Variants in PRAM1 observed in about 807,000 individuals in gnomAD.
The protein encoded by PRAM1 is PML-RARA regulated adaptor molecule 1.
A neutral mutation model predicts 55.3 loss-of-function variants in PRAM1; 41 were observed. The ratio of observed to expected loss-of-function variants is 0.74; its 90% CI spans 0.58 to 0.96. The LOEUF is 0.96. Among genes scored for constraint, PRAM1 ranks in the 40% least tolerant of loss-of-function variants. PRAM1 has a pLI of 0.00. For synonymous variants in PRAM1, 401 were observed against 387.1 expected, an observed-to-expected ratio of 1.04 and a Z score of -0.42; for missense variants, 898 against 892.7, an observed-to-expected ratio of 1.01 and a Z score of -0.08.
intron 1 of PRAM1, among the ~76,000 whole-genome samples, chr19:8,501,490 G>T (rs946176361): frequency 2.6e-4 from 32 of 124,584 alleles, no homozygotes; most frequent in African/African-American, 8.9e-4. Flanking sequence ...ATTTTACATT[G>T]TTTTTAATGT....
chr19:8,499,684 C>T lies in PRAM1; in HGVS notation c.124G>A (p.Gly42Ser). 6.2e-7 allele frequency: 1 copy of T among 1,613,810 alleles called. No individual in the cohort carries two copies. Among genetic ancestry groups the T allele is most frequent in the Non-Finnish European group, 8.5e-7 (1 of 1,179,840 alleles). ...GGCTGGGAGAACTTCTTCAGTTTAC[C>T]AAACTCAGGCTTCGGAGGTTTTTTG... ...LPKKPPKPEF[G>S]KLKKFSQPEL... Residue 42 changes from glycine to serine, a missense_variant, in exon 2 of 10, where the codon GGT (glycine) becomes AGT (serine). Transcript: ENST00000423345.
At position 8,498,898 on chromosome 19, in the gene PRAM1, C is replaced by G. The variant is rs531817922; in HGVS notation, c.910G>C (p.Val304Leu). The change falls in exon 2 of 10, where the codon GTG becomes CTG. Residue 304 changes from valine to leucine, a missense_variant. By Grantham distance (32) the Val-to-Leu change is conservative. Around this residue, in one of 4 missense-constraint regions of PRAM1, gnomAD observed 787 missense variants for 735.4 expected, o/e 1.07. Coordinates refer to ENST00000423345, the MANE Select transcript of PRAM1 (RefSeq NM_032152.5). ...TRTSSEPEVS[V>L]LPKRPRPAEF... is the part of the protein sequence containing the mutation. ...GCCGGCCGCGGCCTCTTGGGAAGCA[C>G]GCTGACTTCGGGCTCTGAGGAGGTC... The G allele has an allele frequency of 1.7e-5, 28 of 1,613,334 alleles. No individual in the cohort carries two copies. In the South Asian group the frequency reaches 3.1e-4, roughly 18 times the overall value.
At chr19:8,501,098 CTTTTTTTTT>C (rs35262115) in intron 1 of PRAM1, among the ~76,000 whole-genome samples, 2 of 118,170 alleles carry the variant, frequency 1.7e-5, no homozygotes, top group African/African-American at 7.3e-5. Flanking sequence ...TTCTTTCTTT[CTTTTTTTTT>C]TTTTTTTTTG....
chr19:8,490,781 CTGCT>C lies in PRAM1; in HGVS notation c.1744-29_1744-26del. 1 of 1,606,856 alleles carries C rather than the reference CTGCT, an allele frequency of 6.2e-7. No individual in the cohort carries two copies. The highest frequency in any genetic ancestry group is 1.1e-5 in the South Asian group (1 of 91,074). ...ACTGGGGCGCGAGATGTTAGGGCCTCTGCTTGTGCTGCCGCCCTTGGGCCCCTGT... is the reference window on the plus strand; with the variant it reads ...ACTGGGGCGCGAGATGTTAGGGCCTCTGTGCTGCCGCCCTTGGGCCCCTGT... On this transcript the variant is annotated intron_variant, in intron 6 of 9. Coordinates refer to ENST00000423345, the MANE Select transcript of PRAM1 (RefSeq NM_032152.5). The surrounding 1 kb of genome is among the most constrained non-coding windows in gnomAD (Gnocchi z 7.3).
At position 8,499,127 on chromosome 19, in the gene PRAM1, CT is replaced by C. The variant is rs777153495; in HGVS notation, c.680del (p.Lys227SerfsTer52). 3.1e-5 allele frequency: 50 copies of C among 1,613,264 alleles called. No homozygotes were observed. Among genetic ancestry groups the C allele is most frequent in the Non-Finnish European group, 4.1e-5 (48 of 1,179,692 alleles). On this transcript the variant is annotated frameshift_variant, in exon 2 of 10. Transcript: ENST00000423345. LOFTEE classifies it high-confidence loss of function. Reference sequence around the variant, plus strand: ...GGCCACCGACCTGAGGCTGCGGAGGCTTTTTGGGGTACACGTTGAACTCAGG... The same window carrying C: ...GGCCACCGACCTGAGGCTGCGGAGGCTTTTGGGGTACACGTTGAACTCAGG... ...AQPEFNVYPKKPPQPQVGGLP... is the reference protein window; with the variant it reads ...AQPEFNVYPKXPPQPQVGGLP...
intron 4 of PRAM1, chr19:8,491,509 A>G (rs1407499016): frequency 7.9e-6 from 3 of 377,654 alleles, no homozygotes; most frequent in Non-Finnish European, 1.5e-5. Context: ...CTGGGATTAC[A>G]GGCGTGAGCC....
rs1971820830 is a variant in PRAM1 at position 8,502,581 on chromosome 19, TG to T, written c.10del (p.His4ThrfsTer41). 2 of 1,545,202 alleles carry T rather than the reference TG, an allele frequency of 1.3e-6. No homozygotes were observed. Reference sequence around the variant, plus strand: ...AGCACTCACCATGGCTGCAGGCAGGTGATGGGCCATGGGATGAGTGGGACCC... The same window carrying T: ...AGCACTCACCATGGCTGCAGGCAGGTATGGGCCATGGGATGAGTGGGACCC... MAH[H>X]LPAAMESHQD... On this transcript the variant is annotated frameshift_variant, in exon 1 of 10. Transcript: ENST00000423345. LOFTEE classifies it high-confidence loss of function.
chr19:8,499,950 G>A (rs901374482), intron 1 of PRAM1, among the ~76,000 whole-genome samples, 170 bp from the exon 2 acceptor site: 4 of 151,248 alleles, frequency 2.6e-5, no homozygotes, highest in Admixed American at 6.6e-5. Flanking sequence ...TCCTGGGACC[G>A]ACACCCCTCC....
chr19:8,499,791 C>T lies in PRAM1; in HGVS notation c.28-11G>A. On this transcript the variant is annotated splice_polypyrimidine_tract_variant and intron_variant, in intron 1 of 9. Transcript: ENST00000423345. ...GTCCTGATGGCTCTCCTAGGAGACGCAGAGCCAATGAGGCAGGGGCTCAAA... is the reference window on the plus strand; with the variant it reads ...GTCCTGATGGCTCTCCTAGGAGACGTAGAGCCAATGAGGCAGGGGCTCAAA... 4 of 1,578,714 alleles carry T rather than the reference C, an allele frequency of 2.5e-6. No individual in the cohort carries two copies. The highest frequency in any genetic ancestry group is 3.4e-6 in the Non-Finnish European group (4 of 1,162,512).
chr19:8,496,075 C>G (rs1255188070), intron 4 of PRAM1: 2 of 455,954 alleles, frequency 4.4e-6, no homozygotes, highest in Non-Finnish European at 8.8e-6. Context: ...AGTTTCAGGC[C>G]CAAGTTCTGC....
chr19:8,498,766 G>A lies in PRAM1; in HGVS notation c.1042C>T (p.Pro348Ser). Reference sequence around the variant, plus strand: ...TTGCGGGGTGGCCCCCGGCGCTCCGGCTGCAGCAGCTTCCTGGGGAGTGAG... The same window carrying A: ...TTGCGGGGTGGCCCCCGGCGCTCCGACTGCAGCAGCTTCCTGGGGAGTGAG... ...FNSLPRKLLQ[P>S]ERRGPPRKFS... Residue 348 changes from proline to serine, a missense_variant, in exon 2 of 10, where the codon CCG (proline) becomes TCG (serine). Physicochemically the swap from Pro to Ser is moderately conservative, Grantham distance 74. Around this residue, in one of 4 missense-constraint regions of PRAM1, gnomAD observed 787 missense variants for 735.4 expected, o/e 1.07. Transcript: ENST00000423345. 1 of 1,572,938 alleles carries A rather than the reference G, an allele frequency of 6.4e-7. No homozygotes were observed. The highest frequency in any genetic ancestry group is 1.7e-4 in the Middle Eastern group (1 of 6,014).
chr19:8,491,324 C>T, intron 4 of PRAM1, 167 bp from the exon 5 acceptor site: 1 of 704,172 alleles, frequency 1.4e-6, no homozygotes, highest in Non-Finnish European at 2.4e-6. Context: ...ACCTTCGCCT[C>T]CTGGGTTCAA....
Position 8,498,400 on chromosome 19 carries a change from G to A in PRAM1, c.1408C>T (p.Arg470Trp), listed in dbSNP as rs73499687. ...CCTATGGATGCTGCAGAGGGTCTCCGAAAGCTCTGCATATCCACGGGCCCC... is the reference window on the plus strand; with the variant it reads ...CCTATGGATGCTGCAGAGGGTCTCCAAAAGCTCTGCATATCCACGGGCCCC... ...PPGPVDMQSF[R>W]RPSAASIDLR... is the part of the protein sequence containing the mutation. Residue 470 changes from arginine to tryptophan, a missense_variant, in exon 2 of 10, where the codon CGG becomes TGG. Transcript: ENST00000423345. The A allele has an allele frequency of 1.3e-6, 2 of 1,578,008 alleles. No homozygotes were observed. The highest frequency in any genetic ancestry group is 1.7e-6 in the Non-Finnish European group (2 of 1,160,382).
intron 3 of PRAM1, 55 bp from the exon 4 acceptor site, chr19:8,497,895 T>TTTTTTA: frequency 9.0e-7 from 1 of 1,111,768 alleles, no homozygotes; most frequent in South Asian, 1.6e-5. Flanking sequence ...TTTTTTTTTT[T>TTTTTTA]GAGACGGAGT....
rs1568317659 is a variant in PRAM1, at chr19:8,499,279, C to A, written c.529G>T (p.Ala177Ser). 6.2e-7 allele frequency: 1 copy of A among 1,608,734 alleles called. No individual in the cohort carries two copies. ...GATTTGGGTTCGGAGGGGGGTCTGGCGGGGTGACTGAGTTCGTCGGGCTGC... is the reference window on the plus strand; with the variant it reads ...GATTTGGGTTCGGAGGGGGGTCTGGAGGGGTGACTGAGTTCGTCGGGCTGC... ...PLQPDELSHP[A>S]RPPSEPKSGA... The change falls in exon 2 of 10, where the codon GCC becomes TCC. Residue 177 changes from alanine (A) to serine (S), a missense_variant. Ala to Ser is a moderately conservative substitution (Grantham distance 99). Around this residue, in one of 4 missense-constraint regions of PRAM1, gnomAD observed 787 missense variants for 735.4 expected, o/e 1.07. Coordinates refer to ENST00000423345, the MANE Select transcript of PRAM1 (RefSeq NM_032152.5).
At chr19:8,495,160 C>G (rs185577765) in intron 4 of PRAM1, among the ~76,000 whole-genome samples, 1 of 151,572 alleles carries the variant, frequency 6.6e-6, no homozygotes, top group Non-Finnish European at 1.5e-5. Context: ...AGTCCAATGG[C>G]GTGATCTTGG....
chr19:8,498,398 C>T lies in PRAM1; in HGVS notation c.1410G>A (p.Arg470=). 1 of 1,577,584 alleles carries T rather than the reference C, an allele frequency of 6.3e-7. No homozygotes were observed. Among genetic ancestry groups the T allele is most frequent in the Non-Finnish European group, 8.6e-7 (1 of 1,160,132 alleles). Reference sequence around the variant, plus strand: ...CACCTATGGATGCTGCAGAGGGTCTCCGAAAGCTCTGCATATCCACGGGCC... The same window carrying T: ...CACCTATGGATGCTGCAGAGGGTCTTCGAAAGCTCTGCATATCCACGGGCC... ...PPGPVDMQSF[R]RPSAASIDLR... is the part of the protein sequence containing the mutation. The change falls in exon 2 of 10, where the codon CGG becomes CGA. Residue 470 remains arginine (R), a synonymous_variant. Transcript: ENST00000423345.
chr19:8,498,693 G>C lies in PRAM1; in HGVS notation c.1115C>G (p.Pro372Arg), dbSNP rs964452075. 1 of 1,603,246 alleles carries C rather than the reference G, an allele frequency of 6.2e-7. No homozygotes were observed. Among genetic ancestry groups the C allele is most frequent in the African/African-American group, 1.3e-5 (1 of 74,708 alleles). Reference protein sequence around the residue: ...PSAVLKRHPQPEFFGDLPRKP... With the variant: ...PSAVLKRHPQREFFGDLPRKP... ...TCGAGGGAGATCACCGAAGAACTCA[G>C]GCTGCGGGTGTCTCTTGAGGACAGC... Residue 372 changes from proline to arginine, a missense_variant, in exon 2 of 10, where the codon CCT becomes CGT. Transcript: ENST00000423345.
chr19:8,499,032 G>A lies in PRAM1; in HGVS notation c.776C>T (p.Ser259Phe), dbSNP rs764357945. The stretch of plus-strand genomic sequence containing the variant: ...GCTGGAGTCGCGCTTCGGCTCGCTG[G>A]ACTGAGGCTTCCAGAGGGGAGTCTG... The part of the protein sequence containing the change: ...AAQTPLWKPQ[S>F]SEPKRDSSAF... Residue 259 changes from serine (S) to phenylalanine (F), a missense_variant, in exon 2 of 10, where the codon TCC (serine) becomes TTC (phenylalanine). Ser to Phe is a radical substitution (Grantham distance 155). Transcript: ENST00000423345. The A allele has an allele frequency of 3.1e-6, 5 of 1,613,778 alleles. No individual in the cohort carries two copies. The highest frequency in any genetic ancestry group is 4.2e-6 in the Non-Finnish European group (5 of 1,179,846).
Sources: allele counts gnomAD v4.1 joint callset (sites outside exome capture counted in the v4.1 genomes callset), GRCh38; gene constraint gnomAD v4.1.1; regional missense constraint gnomAD v4.1.1; non-coding constraint Gnocchi (gnomAD v3.1); transcripts MANE v1.5; gene names NCBI Gene and HGNC (gene_info 2026-07-23, HGNC 2026-07-21).